CASK: variants seen among roughly 807,000 people sequenced by gnomAD.
The protein encoded by CASK is peripheral plasma membrane protein CASK.
In CASK, 4 loss-of-function variants were observed where a neutral mutation model predicts 82.9. That is an observed-to-expected ratio of 0.05 (90% CI 0.02 to 0.11). The LOEUF (loss-of-function observed/expected upper bound fraction) is 0.11. Ranked by LOEUF, CASK falls within the 10% of genes least tolerant of loss-of-function variation. The pLI, the probability that CASK is intolerant of heterozygous loss-of-function variation, is 1.00. For missense variants in CASK, 358 were observed against 720.9 expected (o/e 0.50, Z 5.76); for synonymous variants, 259 against 253.5 (o/e 1.02, Z -0.20).
chrX:41,606,230 T>C (rs1382771117), intron 12 of CASK, among the ~76,000 whole-genome samples: 1 of 93,632 alleles, frequency 1.1e-5, no homozygotes, highest in East Asian at 3.5e-4. Flanking sequence ...ATTTCATTCA[T>C]GATGATTAAG....
chrX:41,763,020 G>C lies in CASK; in HGVS notation c.279-17419C>G, dbSNP rs367855820. Among the ~76,000 whole-genome samples the C allele has an allele frequency of 9.9e-5, 11 of 111,172 alleles. No individual in the cohort carries two copies. In the East Asian group the frequency reaches 1.7e-3, roughly 17 times the overall value. On this transcript the variant is annotated intron_variant, in intron 3 of 26. Transcript: ENST00000378163. ...TGATTCAAAAGAAGGTTATCTATAG[G>C]GGGGTCAGGTCAACAACTTAGGATA... is the stretch of plus-strand genomic sequence containing the variant.
At chrX:41,676,885 T>C (rs904705015) in intron 5 of CASK, among the ~76,000 whole-genome samples, 2 of 112,300 alleles carry the variant, frequency 1.8e-5, no homozygotes, top group Admixed American at 9.4e-5. Context: ...CTACTGGATA[T>C]GAGCGTGAGA....
chrX:41,877,487 T>C (rs1461097379), intron 1 of CASK, among the ~76,000 whole-genome samples: 1 of 111,607 alleles, frequency 9.0e-6, no homozygotes, highest in East Asian at 2.8e-4. Context: ...ATAGATATTA[T>C]GAGCAAGGAA....
intron 1 of CASK, among the ~76,000 whole-genome samples, chrX:41,907,842 C>T (rs1055070544): frequency 1.3e-4 from 14 of 111,046 alleles, no homozygotes; most frequent in African/African-American, 4.3e-4. Flanking sequence ...GTAGGGGGTT[C>T]GGGATGAGAC....
chrX:41,602,323 T>A (rs2065904567), intron 12 of CASK, among the ~76,000 whole-genome samples: 1 of 111,914 alleles, frequency 8.9e-6, no homozygotes, highest in Non-Finnish European at 1.9e-5. Context: ...CTACATTTTT[T>A]TTGTTCAATT....
intron 3 of CASK, among the ~76,000 whole-genome samples, chrX:41,763,067 G>A (rs778272991): frequency 1.0e-3 from 116 of 110,553 alleles, no homozygotes; most frequent in African/African-American, 3.7e-3. Flanking sequence ...AAAAAAGGGG[G>A]GGAAACTGAG....
At chrX:41,893,436 T>G (rs2072213178) in intron 1 of CASK, among the ~76,000 whole-genome samples, 1 of 112,293 alleles carries the variant, frequency 8.9e-6, no homozygotes, top group East Asian at 2.8e-4. Flanking sequence ...ATGTGGGGAA[T>G]GAGACAGCCA....
chrX:41,592,839 C>T (rs2147240184), intron 12 of CASK, among the ~76,000 whole-genome samples: 1 of 111,681 alleles, frequency 9.0e-6, no homozygotes, highest in South Asian at 3.8e-4. Context: ...GTTGGTTACC[C>T]CTACTATTCT....
Position 41,756,348 on chromosome X carries a change from C to G in CASK, c.279-10747G>C, listed in dbSNP as rs769653354. Among the ~76,000 whole-genome samples, 70 of 112,100 alleles carry G rather than the reference C, an allele frequency of 6.2e-4. 3 individuals are homozygous for G. Among genetic ancestry groups the G allele is most frequent in the Non-Finnish European group, 2.8e-4 (15 of 53,190 alleles). On this transcript the variant is annotated intron_variant, in intron 3 of 26. Transcript: ENST00000378163. ...CAAAGAAATGTGTGCTTATGTGGAC[C>G]AGGATATGTGTACCTGAATGTTTAT... is the stretch of plus-strand genomic sequence containing the variant.
intron 8 of CASK, among the ~76,000 whole-genome samples, chrX:41,638,932 C>T (rs1176848856): frequency 9.0e-6 from 1 of 111,100 alleles, no homozygotes; most frequent in African/African-American, 3.3e-5. Flanking sequence ...TGAGGTTTGG[C>T]TTCTAGTGTG....
chrX:41,860,240 C>A (rs779998611), intron 1 of CASK, among the ~76,000 whole-genome samples: 12 of 110,593 alleles, frequency 1.1e-4, no homozygotes, highest in Non-Finnish European at 2.3e-4. Context: ...TATTTCTCTA[C>A]CCATTTTCTA....
intron 1 of CASK, among the ~76,000 whole-genome samples, chrX:41,895,749 G>A (rs770578002): frequency 8.9e-6 from 1 of 111,882 alleles, no homozygotes; most frequent in Non-Finnish European, 1.9e-5. Flanking sequence ...AGTACCTGCA[G>A]TGGGGGAATC....
chrX:41,830,724 G>C (rs1012015765), intron 2 of CASK, among the ~76,000 whole-genome samples: 1 of 106,069 alleles, frequency 9.4e-6, no homozygotes, highest in Non-Finnish European at 1.9e-5. Flanking sequence ...GGAGGCTGAG[G>C]CAGGAGTATG....
At chrX:41,644,848 G>A (rs2066728331) in intron 8 of CASK, among the ~76,000 whole-genome samples, 1 of 111,473 alleles carries the variant, frequency 9.0e-6, no homozygotes, top group Non-Finnish European at 1.9e-5. Context: ...AGGCTCTTAG[G>A]CTCATTAGGA....
chrX:41,754,983 A>G (rs1011462477), intron 3 of CASK, among the ~76,000 whole-genome samples: 11 of 106,563 alleles, frequency 1.0e-4, no homozygotes, highest in African/African-American at 3.5e-4. Context: ...CGTTCAAGAG[A>G]TTCTCCTGCC....
At chrX:41,912,706 G>C (rs2148090698) in intron 1 of CASK, among the ~76,000 whole-genome samples, 1 of 105,908 alleles carries the variant, frequency 9.4e-6, no homozygotes, top group South Asian at 4.2e-4. Flanking sequence ...GGAGGTTGGG[G>C]CAGGAGGACT....
chrX:41,833,143 T>C lies in CASK; in HGVS notation c.172+19972A>G, dbSNP rs186153266. On this transcript the variant is annotated intron_variant, in intron 2 of 26. Transcript: ENST00000378163. ...AGTATGAGTTTGGGGGTTATAAATA[T>C]TATCAAGTAGGTGAATTTTTAAATA... 1.7e-4 allele frequency among the ~76,000 whole-genome samples: 19 copies of C among 111,880 alleles called. No homozygotes were observed. In the East Asian group the frequency reaches 5.0e-3, roughly 30 times the overall value.
At chrX:41,600,761 T>C (rs2065881986) in intron 12 of CASK, among the ~76,000 whole-genome samples, 1 of 112,125 alleles carries the variant, frequency 8.9e-6, no homozygotes, top group African/African-American at 3.2e-5. Flanking sequence ...AGTAATTGTG[T>C]GGAGATGGAA....
At chrX:41,897,532 T>C (rs762594337) in intron 1 of CASK, among the ~76,000 whole-genome samples, 1 of 111,443 alleles carries the variant, frequency 9.0e-6, no homozygotes, top group African/African-American at 3.2e-5. Context: ...GTGATAATAG[T>C]TTTTAAGTGA....
Sources: allele counts gnomAD v4.1 joint callset (sites outside exome capture counted in the v4.1 genomes callset), GRCh38; gene constraint gnomAD v4.1.1; transcripts MANE v1.5; gene names NCBI Gene and HGNC (gene_info 2026-07-23, HGNC 2026-07-21).